CELF2: variants seen among roughly 807,000 people sequenced by gnomAD.
The protein encoded by CELF2 is CUGBP Elav-like family member 2, also known as CUG triplet repeat RNA-binding protein 2.
CELF2 carries 8 observed loss-of-function variants against 62.6 expected under a neutral mutation model. The observed-to-expected ratio is 0.13, with a 90% CI of 0.07 to 0.23. The LOEUF (loss-of-function observed/expected upper bound fraction) is 0.23, where lower values mean the gene tolerates loss of function less well. Ranked by LOEUF, CELF2 falls within the 10% of genes least tolerant of loss-of-function variation. The pLI is 1.00. For missense variants in CELF2, 333 were observed against 671.0 expected (o/e 0.50, Z 5.56); for synonymous variants, 258 against 250.0 (o/e 1.03, Z -0.30).
At chr10:11,249,257 A>AAGTC in intron 4 of CELF2, 56 bp downstream of exon 4, 4 of 1,459,584 alleles carry the variant, frequency 2.7e-6, no homozygotes, top group Non-Finnish European at 3.8e-6. Context: ...TTAAATTACA[A>AAGTC]AGTCAGTTGG....
At chr10:11,037,138 T>C (rs1232495549) in intron 1 of CELF2, among the ~76,000 whole-genome samples, 2 of 152,176 alleles carry the variant, frequency 1.3e-5, no homozygotes, top group Non-Finnish European at 2.9e-5. Context: ...GACTCACAGT[T>C]CCACATGGCT....
At chr10:11,054,489 T>TTGTGTGTG (rs35465939) in intron 1 of CELF2, among the ~76,000 whole-genome samples, 4,827 of 149,514 alleles carry the variant, frequency 0.032, 101 homozygotes, top group East Asian at 0.13. Flanking sequence ...GTATGTGTGT[T>TTGTGTGTG]TGTGTGTGTG....
At chr10:10,752,382 C>T in the CELF2 span, among the ~76,000 whole-genome samples, 56 of 152,198 alleles carry the variant, frequency 3.7e-4, no homozygotes, top group Middle Eastern at 3.4e-3. Flanking sequence ...CAGGACATGA[C>T]GTTTTGTTAT....
chr10:11,300,024 C>T lies in CELF2; in HGVS notation c.976+11472C>T, dbSNP rs747474398. On this transcript the variant is annotated intron_variant, in intron 9 of 12. Transcript: ENST00000633077. This position sits in a 1 kb window ranked among gnomAD's most constrained non-coding sequence, Gnocchi z 5.5. The stretch of plus-strand genomic sequence containing the variant: ...ATGGACTCTTCCAAACTCATGGCCC[C>T]ACACTGCCTTTATGAGTGCCCGTCT... Among the ~76,000 whole-genome samples the T allele has an allele frequency of 6.6e-6, 1 of 152,220 alleles. No homozygotes were observed. Among genetic ancestry groups the T allele is most frequent in the Non-Finnish European group, 1.5e-5 (1 of 68,044 alleles).
the CELF2 span, among the ~76,000 whole-genome samples, chr10:10,644,184 C>G: frequency 1.3e-5 from 2 of 152,304 alleles, no homozygotes; most frequent in Middle Eastern, 3.4e-3. Flanking sequence ...AGAATCTGTA[C>G]TGCCTGACAC....
chr10:10,724,191 A>G, the CELF2 span, among the ~76,000 whole-genome samples: 40 of 152,348 alleles, frequency 2.6e-4, no homozygotes, highest in African/African-American at 7.2e-4. Flanking sequence ...AAACTTTTTT[A>G]CATTAACCAT....
At chr10:10,667,682 G>C in the CELF2 span, among the ~76,000 whole-genome samples, 1 of 152,144 alleles carries the variant, frequency 6.6e-6, no homozygotes. Context: ...TTTTGCAAAG[G>C]TGCCTCTCTG....
At chr10:11,236,672 C>T (rs575547816) in intron 3 of CELF2, among the ~76,000 whole-genome samples, 5 of 152,278 alleles carry the variant, frequency 3.3e-5, no homozygotes, top group Middle Eastern at 3.4e-3. Context: ...CCATATGAAA[C>T]GGTCACTATT....
At chr10:11,298,396 G>C (rs2093401204) in intron 9 of CELF2, among the ~76,000 whole-genome samples, 2 of 152,240 alleles carry the variant, frequency 1.3e-5, no homozygotes, top group South Asian at 4.1e-4. Flanking sequence ...ACTGACCTCT[G>C]TCAGGATTGG....
chr10:11,277,467 G>A (rs562619967), intron 8 of CELF2, among the ~76,000 whole-genome samples: 7 of 152,172 alleles, frequency 4.6e-5, no homozygotes, highest in African/African-American at 1.2e-4. Flanking sequence ...ATACTCTTCC[G>A]TGCTCCAGGA....
intron 3 of CELF2, among the ~76,000 whole-genome samples, chr10:11,228,709 C>T (rs60812467): frequency 0.092 from 12,657 of 136,952 alleles, 1,092 homozygotes; most frequent in African/African-American, 0.23. Flanking sequence ...CCCCCACCCG[C>T]GCCCCTCGCA....
At chr10:10,667,743 C>T in the CELF2 span, among the ~76,000 whole-genome samples, 2 of 152,178 alleles carry the variant, frequency 1.3e-5, no homozygotes, top group African/African-American at 2.4e-5. Context: ...AATAAAAGCA[C>T]AATTTGGAAT....
chr10:10,991,586 A>G (rs1430452889), intron 2 of CELF2, among the ~76,000 whole-genome samples: 1 of 152,230 alleles, frequency 6.6e-6, no homozygotes, highest in Non-Finnish European at 1.5e-5. Flanking sequence ...TATCTGAAGA[A>G]AAATAGGAAA....
At chr10:10,769,589 C>G in the CELF2 span, among the ~76,000 whole-genome samples, 1 of 151,942 alleles carries the variant, frequency 6.6e-6, no homozygotes. Context: ...ATGGTGAAAC[C>G]CCATCTCTAC....
intron 1 of CELF2, among the ~76,000 whole-genome samples, chr10:10,894,074 T>C (rs1250086640): frequency 1.3e-5 from 2 of 151,922 alleles, no homozygotes; most frequent in East Asian, 1.9e-4. Context: ...ACAGACAATT[T>C]TAACAACAAA....
rs776668934 is a variant in CELF2 at position 11,012,790 on chromosome 10, G to A, written c.53+7350G>A. 1.6e-4 allele frequency among the ~76,000 whole-genome samples: 25 copies of A among 152,266 alleles called. No individual in the cohort carries two copies. The highest frequency in any genetic ancestry group is 3.4e-3 in the Middle Eastern group (1 of 294). On this transcript the variant is annotated intron_variant, in intron 1 of 12. Transcript: ENST00000416382. This position sits in a 1 kb window ranked among gnomAD's most constrained non-coding sequence, Gnocchi z 5.5. ...GATAAGTGTAAATTTTGTTCCTGCCGCCAGGCTGGCACCAGATAAGGGCAC... is the reference window on the plus strand; with the variant it reads ...GATAAGTGTAAATTTTGTTCCTGCCACCAGGCTGGCACCAGATAAGGGCAC...
At chr10:10,666,049 G>A in the CELF2 span, among the ~76,000 whole-genome samples, 12 of 152,276 alleles carry the variant, frequency 7.9e-5, no homozygotes, top group South Asian at 1.9e-3. Flanking sequence ...AAAATCCTTC[G>A]ATTGGCTCTG....
intron 1 of CELF2, chr10:10,919,836 T>C (rs919578713): frequency 1.9e-6 from 1 of 524,976 alleles, no homozygotes; most frequent in Non-Finnish European, 2.9e-6. Context: ...TTTAACTTTC[T>C]AACCACCTGC....
intron 1 of CELF2, among the ~76,000 whole-genome samples, chr10:10,917,638 G>A (rs2134588702): frequency 6.6e-6 from 1 of 152,296 alleles, no homozygotes; most frequent in South Asian, 2.1e-4. Flanking sequence ...GCTGTGCTTG[G>A]CCTTACTGCA....
Sources: allele counts gnomAD v4.1 joint callset (sites outside exome capture counted in the v4.1 genomes callset), GRCh38; gene constraint gnomAD v4.1.1; non-coding constraint Gnocchi (gnomAD v3.1); transcripts MANE v1.5; gene names NCBI Gene and HGNC (gene_info 2026-07-23, HGNC 2026-07-21).